The following CNOT3 variants were observed in gnomAD, a reference collection of about 807,000 sequenced individuals.
The protein encoded by CNOT3 is CCR4-NOT transcription complex subunit 3.
In CNOT3, 2 loss-of-function variants were observed where a neutral mutation model predicts 89.4. That is an observed-to-expected ratio of 0.02 (90% CI 0.01 to 0.07). The LOEUF (loss-of-function observed/expected upper bound fraction) is 0.07. Among genes scored for constraint, CNOT3 ranks in the 10% least tolerant of loss-of-function variants. CNOT3 has a pLI of 1.00. For synonymous variants in CNOT3, 486 were observed against 402.0 expected, an observed-to-expected ratio of 1.21 and a Z score of -2.50; for missense variants, 664 against 1,010.2, an observed-to-expected ratio of 0.66 and a Z score of 4.65.
chr19:54,152,013 A>T (rs1302459156), intron 13 of CNOT3, among the ~76,000 whole-genome samples: 1 of 152,244 alleles, frequency 6.6e-6, no homozygotes, highest in Non-Finnish European at 1.5e-5. Flanking sequence ...AGTCCCACTC[A>T]CGAGACGTTC....
intron 5 of CNOT3, 99 bp downstream of exon 5, chr19:54,143,848 C>T: frequency 6.8e-7 from 1 of 1,472,612 alleles, no homozygotes; most frequent in South Asian, 1.2e-5. Context: ...CAGAGGTCCT[C>T]AAGAGAAGTA....
At chr19:54,150,889 C>T (rs765667320) in intron 13 of CNOT3, among the ~76,000 whole-genome samples, 22 of 151,716 alleles carry the variant, frequency 1.5e-4, no homozygotes, top group Non-Finnish European at 2.8e-4. Context: ...CTCCTGGGTT[C>T]AAGCGATTCT....
At chr19:54,140,232 G>A (rs1320493142) in intron 1 of CNOT3, among the ~76,000 whole-genome samples, 1 of 152,134 alleles carries the variant, frequency 6.6e-6, no homozygotes, top group Non-Finnish European at 1.5e-5. Flanking sequence ...CTGTGAGGCT[G>A]GTGTCCTGCT....
At chr19:54,146,562 G>C in intron 9 of CNOT3, 39 bp from the exon 10 acceptor site, 1 of 999,828 alleles carries the variant, frequency 1.0e-6, no homozygotes. Context: ...CAGAGCCCCA[G>C]AGGTCACACA....
At chr19:54,143,063 CTT>C in intron 2 of CNOT3, 54 bp from the exon 3 acceptor site, 1 of 1,612,656 alleles carries the variant, frequency 6.2e-7, no homozygotes, top group East Asian at 2.2e-5. Context: ...GAGGACTGCT[CTT>C]TAGATACCTG....
At chr19:54,155,185 A>T (rs772314268) in intron 17 of CNOT3, 124 bp from the exon 18 acceptor site, 36 of 1,093,442 alleles carry the variant, frequency 3.3e-5, no homozygotes, top group Non-Finnish European at 4.6e-5. Flanking sequence ...GTGTGCGTGC[A>T]GGGCAGCTGG....
In CNOT3 at chr19:54,152,888, C is replaced by G. The variant is rs749697529; in HGVS notation, c.1926C>G (p.Pro642=). The G allele has an allele frequency of 6.6e-7, 1 of 1,522,096 alleles. No individual in the cohort carries two copies. Among genetic ancestry groups the G allele is most frequent in the South Asian group, 1.2e-5 (1 of 83,108 alleles). 94.3% of individuals were successfully genotyped at this position (1,522,096 alleles called of 1,614,324 possible). Residue 642 remains proline (P), a synonymous_variant, in exon 16 of 18, where the codon CCC becomes CCG. Coordinates refer to ENST00000221232, the MANE Select transcript of CNOT3 (RefSeq NM_014516.4). ...ERIRQYLPRN[P]CPTPPYHHQM... The stretch of plus-strand genomic sequence containing the variant: ...ACAGGCAGTACCTCCCCCGGAACCC[C>G]TGTCCGACGCCCCCCTACCACCACC...
intron 1 of CNOT3, among the ~76,000 whole-genome samples, chr19:54,140,313 G>A (rs2074396088): frequency 6.6e-6 from 1 of 152,094 alleles, no homozygotes; most frequent in Non-Finnish European, 1.5e-5. Context: ...TCTTGGGTAA[G>A]TCTCCTCCTG....
intron 16 of CNOT3, 42 bp downstream of exon 16, chr19:54,153,041 C>G: frequency 6.4e-7 from 1 of 1,568,000 alleles, no homozygotes; most frequent in East Asian, 2.2e-5. Context: ...CCCCCGGCTT[C>G]GCCGCCACCG....
At chr19:54,149,791 G>A (rs371260951) in intron 13 of CNOT3, 33 bp downstream of exon 13, 163 of 1,553,192 alleles carry the variant, frequency 1.0e-4, no homozygotes, top group Non-Finnish European at 1.4e-4. Flanking sequence ...GAGCCTCTGT[G>A]TCCTGACTCT....
intron 10 of CNOT3, among the ~76,000 whole-genome samples, chr19:54,147,454 C>T (rs770337414): frequency 4.3e-4 from 65 of 152,182 alleles, no homozygotes; most frequent in Non-Finnish European, 1.5e-4. Flanking sequence ...CCAGGCTGGG[C>T]TCTGCCACCT....
chr19:54,153,214 G>A (rs371581098), intron 16 of CNOT3: 95 of 764,332 alleles, frequency 1.2e-4, no homozygotes, highest in Admixed American at 7.5e-4. Context: ...GGTTGACAGC[G>A]AGGCTGGTCC....
chr19:54,155,604 C>G lies in CNOT3; in HGVS notation c.*197C>G. 1 of 1,161,914 alleles carries G rather than the reference C, an allele frequency of 8.6e-7. No individual in the cohort carries two copies. The highest frequency in any genetic ancestry group is 1.5e-5 in the South Asian group (1 of 64,776). 72.0% of individuals were successfully genotyped at this position (1,161,914 alleles called of 1,614,324 possible). On this transcript the variant is annotated 3_prime_UTR_variant, in exon 18 of 18. Transcript: ENST00000221232. ...CGGGGGCGAGGGCTGCCCCCTCCTC[C>G]CCTCCCCAGTGAGGGACATTTTTTG...
intron 12 of CNOT3, 43 bp from the exon 13 acceptor site, chr19:54,149,517 A>AG (rs1347066112): frequency 3.0e-6 from 4 of 1,346,278 alleles, no homozygotes; most frequent in East Asian, 4.8e-5. Flanking sequence ...TCCCACCCTC[A>AG]GGGACCCTCC....
rs2074781695 is a variant in CNOT3, at chr19:54,148,081, G to A, written c.895-67G>A. The A allele has an allele frequency of 8.1e-7, 1 of 1,240,848 alleles. No individual in the cohort carries two copies. Among genetic ancestry groups the A allele is most frequent in the Non-Finnish European group, 1.1e-6 (1 of 935,408 alleles). The allele number at this position is 1,240,848 out of a possible 1,614,324, so 76.9% of individuals were successfully genotyped here. A position where few individuals can be genotyped will look rare whatever the true frequency, so the allele number is the denominator to read the frequency against. On this transcript the variant is annotated intron_variant, in intron 10 of 17. Coordinates refer to ENST00000221232, the MANE Select transcript of CNOT3 (RefSeq NM_014516.4). This position sits in a 1 kb window ranked among gnomAD's most constrained non-coding sequence, Gnocchi z 6.3. ...CTGCTGGGACAAAGATGGAGCCTGA[G>A]GTGGGGGTGGTGAGGGAGACCAGCT...
At chr19:54,152,799 C>A in intron 15 of CNOT3, 68 bp from the exon 16 acceptor site, 1 of 876,738 alleles carries the variant, frequency 1.1e-6, no homozygotes. Context: ...GGATGCATGT[C>A]TGAGCACCCT....
intron 16 of CNOT3, chr19:54,153,346 G>A (rs900517064): frequency 1.3e-6 from 1 of 761,972 alleles, no homozygotes; most frequent in African/African-American, 1.7e-5. Flanking sequence ...ACATTCTCAG[G>A]CCTCCCTGGA....
At chr19:54,149,505 C>A in intron 12 of CNOT3, 55 bp from the exon 13 acceptor site, 1 of 1,198,260 alleles carries the variant, frequency 8.3e-7, no homozygotes, top group Non-Finnish European at 1.2e-6. Context: ...CCTCTCTGCC[C>A]ATCCCACCCT....
chr19:54,152,672 C>G, intron 15 of CNOT3, 46 bp downstream of exon 15: 2 of 1,495,466 alleles, frequency 1.3e-6, no homozygotes, highest in Non-Finnish European at 1.9e-6. Context: ...TTGAGTCTTA[C>G]GGAGGAGGCA....
Sources: allele counts gnomAD v4.1 joint callset (sites outside exome capture counted in the v4.1 genomes callset), GRCh38; gene constraint gnomAD v4.1.1; non-coding constraint Gnocchi (gnomAD v3.1); transcripts MANE v1.5; gene names NCBI Gene and HGNC (gene_info 2026-07-23, HGNC 2026-07-21).